Variants in ALG14 observed in about 807,000 individuals in gnomAD.
ALG14 encodes ALG14 UDP-N-acetylglucosaminyltransferase subunit.
In ALG14, 17 loss-of-function variants were observed where a neutral mutation model predicts 22.8. The ratio of observed to expected loss-of-function variants is 0.75; its 90% confidence interval spans 0.51 to 1.12. The LOEUF (loss-of-function observed/expected upper bound fraction) is 1.12, where lower values mean the gene tolerates loss of function less well. ALG14 is among the 50% of genes most tolerant of loss of function. ALG14 has a pLI of 0.00. For missense variants in ALG14, 288 were observed against 271.8 expected (o/e 1.06, Z -0.42); for synonymous variants, 89 against 103.7 (o/e 0.86, Z 0.86).
chr1:95,033,356 A>G (rs1674072510), intron 2 of ALG14, among the ~76,000 whole-genome samples: 2 of 150,922 alleles, frequency 1.3e-5, no homozygotes, highest in Admixed American at 1.3e-4. Context: ...CTGGATCTCA[A>G]TCCATCCTAC....
chr1:95,057,775 G>C (rs1557652790), intron 2 of ALG14, among the ~76,000 whole-genome samples: 1 of 151,632 alleles, frequency 6.6e-6, no homozygotes, highest in African/African-American at 2.4e-5. Context: ...CTGAATTCAA[G>C]AAAGAATTAA....
intron 2 of ALG14, among the ~76,000 whole-genome samples, chr1:95,043,075 T>TA (rs1416444168): frequency 3.9e-5 from 6 of 152,212 alleles, no homozygotes; most frequent in Admixed American, 3.9e-4. Flanking sequence ...CTTAGTTTTT[T>TA]AAAAAATAGG....
intron 2 of ALG14, among the ~76,000 whole-genome samples, chr1:95,042,512 G>C (rs892681260): frequency 6.6e-6 from 1 of 152,156 alleles, no homozygotes; most frequent in East Asian, 1.9e-4. Flanking sequence ...CTTCACTGCT[G>C]TCCTGAGAAT....
At chr1:95,061,491 G>C (rs1026970412) in intron 2 of ALG14, 1 of 152,108 alleles carries the variant, frequency 6.6e-6, no homozygotes, top group African/African-American at 2.4e-5. Context: ...GAGAGAGAGA[G>C]AGAGAGAGAG....
chr1:95,012,023 C>T (rs373709159), intron 3 of ALG14, among the ~76,000 whole-genome samples: 13 of 152,192 alleles, frequency 8.5e-5, no homozygotes, highest in South Asian at 6.2e-4. Context: ...ATATTGTTCT[C>T]GTGGTAGTAA....
chr1:94,997,698 G>C (rs530547474), intron 3 of ALG14, among the ~76,000 whole-genome samples: 1 of 152,338 alleles, frequency 6.6e-6, no homozygotes, highest in Admixed American at 6.5e-5. Flanking sequence ...GGGTTTTAGC[G>C]AGGATTAAGT....
intron 2 of ALG14, among the ~76,000 whole-genome samples, chr1:95,057,003 C>G (rs1015097363): frequency 2.8e-5 from 4 of 144,594 alleles, no homozygotes; most frequent in African/African-American, 1.0e-4. Context: ...TTGCAGTGAG[C>G]TGAGATCAGG....
chr1:94,982,961 A>G lies in ALG14; in HGVS notation c.*115T>C, dbSNP rs1235211331. On this transcript the variant is annotated 3_prime_UTR_variant, in exon 4 of 4. Transcript: ENST00000370205. Reference sequence around the variant, plus strand: ...GTACATTTTTTATTCCTTACCATCAATAATTCTCAGGACTGTCAGACGCCT... The same window carrying G: ...GTACATTTTTTATTCCTTACCATCAGTAATTCTCAGGACTGTCAGACGCCT... The G allele has an allele frequency of 1.2e-6, 1 of 803,182 alleles. No individual in the cohort carries two copies. The highest frequency in any genetic ancestry group is 2.0e-6 in the Non-Finnish European group (1 of 498,604). 49.8% of individuals were successfully genotyped at this position (803,182 alleles called of 1,614,324 possible).
intron 2 of ALG14, among the ~76,000 whole-genome samples, chr1:95,055,885 C>T (rs193186585): frequency 0.02 from 2,856 of 144,644 alleles, 93 homozygotes; most frequent in African/African-American, 0.07. Flanking sequence ...TGGCGGGTGC[C>T]TGTAGTCCCA....
At chr1:95,071,726 C>T (rs1485729669) in intron 1 of ALG14, among the ~76,000 whole-genome samples, 1 of 152,166 alleles carries the variant, frequency 6.6e-6, no homozygotes, top group Non-Finnish European at 1.5e-5. Context: ...TCTGGGTCAT[C>T]TTTCAAGTTT....
rs912364131 is a variant in ALG14 at position 94,980,739 on chromosome 1, CAT to C, written c.*2335_*2336del. On this transcript the variant is annotated 3_prime_UTR_variant, in exon 4 of 4. Coordinates refer to ENST00000370205, the MANE Select transcript of ALG14 (RefSeq NM_144988.4). The stretch of plus-strand genomic sequence containing the variant: ...GAATGATCAGGAAGATGCAATAACA[CAT>C]GTCTCAGCCTGGCTCTGAATGAGTA... 3.3e-5 allele frequency: 5 copies of C among 152,230 alleles called. No homozygotes were observed. The highest frequency in any genetic ancestry group is 4.4e-5 in the Non-Finnish European group (3 of 68,042). The allele number at this position is 152,230 out of a possible 1,614,324, so 9.4% of individuals were successfully genotyped here.
intron 3 of ALG14, among the ~76,000 whole-genome samples, chr1:94,998,097 A>G (rs151224929): frequency 6.6e-6 from 1 of 152,262 alleles, no homozygotes; most frequent in East Asian, 1.9e-4. Flanking sequence ...ACACCAAGTT[A>G]TTTACTGGTA....
chr1:95,017,459 G>C (rs1673536625), intron 3 of ALG14, among the ~76,000 whole-genome samples: 2 of 152,198 alleles, frequency 1.3e-5, no homozygotes, highest in African/African-American at 4.8e-5. Flanking sequence ...GATCGGGGCA[G>C]TTGGAAAGGA....
At chr1:95,014,892 T>C (rs924300426) in intron 3 of ALG14, among the ~76,000 whole-genome samples, 1 of 152,198 alleles carries the variant, frequency 6.6e-6, no homozygotes, top group Non-Finnish European at 1.5e-5. Flanking sequence ...TGTTTAAGAA[T>C]TAAGTGAGCA....
chr1:94,996,741 G>A (rs1285221387), intron 3 of ALG14, among the ~76,000 whole-genome samples: 1 of 152,102 alleles, frequency 6.6e-6, no homozygotes, highest in African/African-American at 2.4e-5. Flanking sequence ...GAATGCAGTG[G>A]CACAATCTCG....
intron 3 of ALG14, among the ~76,000 whole-genome samples, chr1:95,020,757 A>C (rs894497456): frequency 2.6e-5 from 4 of 151,484 alleles, no homozygotes; most frequent in Non-Finnish European, 5.9e-5. Flanking sequence ...AAAACAAAAC[A>C]AAAAACCCCA....
In ALG14 at chr1:95,004,636, A is replaced by G. The variant is rs571078941; in HGVS notation, c.421-21330T>C. ...TGCCTCAGCCTCCCGAGTAGCTGGGACTACAAGCGCCAGCCACCACGCCTG... is the reference window on the plus strand; with the variant it reads ...TGCCTCAGCCTCCCGAGTAGCTGGGGCTACAAGCGCCAGCCACCACGCCTG... On this transcript the variant is annotated intron_variant, in intron 3 of 3. Transcript: ENST00000370205. 1.8e-3 allele frequency among the ~76,000 whole-genome samples: 264 copies of G among 148,866 alleles called. 1 individual carries two copies. The highest frequency in any genetic ancestry group is 6.7e-3 in the African/African-American group (259 of 38,534).
At chr1:95,071,442 G>T (rs1394518825) in intron 1 of ALG14, among the ~76,000 whole-genome samples, 3 of 152,164 alleles carry the variant, frequency 2.0e-5, no homozygotes, top group African/African-American at 7.2e-5. Flanking sequence ...TACTCGGGAG[G>T]CTGAGGCAGG....
At chr1:95,021,319 A>G (rs1673655269) in intron 3 of ALG14, among the ~76,000 whole-genome samples, 1 of 152,100 alleles carries the variant, frequency 6.6e-6, no homozygotes, top group Admixed American at 6.5e-5. Flanking sequence ...GATGAGTAAT[A>G]CACCTCACCG....
Sources: allele counts gnomAD v4.1 joint callset (sites outside exome capture counted in the v4.1 genomes callset), GRCh38; gene constraint gnomAD v4.1.1; transcripts MANE v1.5; gene names NCBI Gene and HGNC (gene_info 2026-07-23, HGNC 2026-07-21).